The following ADCY1 variants were observed in gnomAD, a reference collection of about 807,000 sequenced individuals.
ADCY1 encodes adenylate cyclase type 1.
ADCY1 carries 28 observed loss-of-function variants against 105.4 expected under a neutral mutation model. The observed-to-expected ratio is 0.27, with a 90% CI of 0.20 to 0.36. ADCY1 has a LOEUF of 0.36. ADCY1 is among the 10% of genes least tolerant of loss of function. The pLI is 1.00. For missense variants in ADCY1, 977 were observed against 1,434.2 expected (o/e 0.68, Z 5.15); for synonymous variants, 655 against 623.8 (o/e 1.05, Z -0.75).
At chr7:45,574,223 G>A, upstream of ADCY1, 1 of 877,972 alleles carries the variant, frequency 1.1e-6, no homozygotes, top group Non-Finnish European at 1.4e-6. The surrounding 1 kb of genome is among the most constrained non-coding windows in gnomAD (Gnocchi z 7.0). Flanking sequence ...CGGCGGGCGG[G>A]AACGCAGGAC....
chr7:45,608,983 C>G (rs1322133143), intron 2 of ADCY1, among the ~76,000 whole-genome samples: 2 of 152,166 alleles, frequency 1.3e-5, no homozygotes, highest in East Asian at 3.8e-4. Flanking sequence ...CAGAGCTGGA[C>G]CTGGTCTTCC....
intron 8 of ADCY1, among the ~76,000 whole-genome samples, chr7:45,669,125 CTCTT>C: frequency 6.6e-6 from 1 of 152,262 alleles, no homozygotes; most frequent in Non-Finnish European, 1.5e-5. Flanking sequence ...GTGTCTCTAT[CTCTT>C]TCAGTTCTGC....
intron 19 of ADCY1, among the ~76,000 whole-genome samples, chr7:45,711,881 TAA>T (rs1183681758): frequency 8.9e-6 from 1 of 112,806 alleles, no homozygotes; most frequent in Non-Finnish European, 1.7e-5. Context: ...ATTAAATATA[TAA>T]ATATATTTAT....
intron 4 of ADCY1, among the ~76,000 whole-genome samples, chr7:45,646,878 C>G (rs531097599): frequency 7.0e-4 from 107 of 152,362 alleles, no homozygotes; most frequent in African/African-American, 2.5e-3. Context: ...GTGACCAGCT[C>G]CCTGTCAGCA....
At position 45,660,050 on chromosome 7, in the gene ADCY1, A is replaced by G; in HGVS notation, c.1316A>G (p.His439Arg). Residue 439 changes from histidine (H) to arginine (R), a missense_variant, in exon 7 of 20, where the codon CAT (histidine) becomes CGT (arginine). Physicochemically the swap from His to Arg is conservative, Grantham distance 29. Transcript: ENST00000297323. ...MEAAGLPGKVHITKTTLACLN... is the reference protein window; with the variant it reads ...MEAAGLPGKVRITKTTLACLN... The stretch of plus-strand genomic sequence containing the variant: ...GCCTCCTCCTTTTGTAGGAAGGTTC[A>G]TATCACAAAGACGACCCTAGCGTGC... 1 of 1,614,176 alleles carries G rather than the reference A, an allele frequency of 6.2e-7. No homozygotes were observed. Among genetic ancestry groups the G allele is most frequent in the Non-Finnish European group, 8.5e-7 (1 of 1,180,004 alleles).
intron 4 of ADCY1, among the ~76,000 whole-genome samples, chr7:45,648,162 C>G (rs1264046277): frequency 6.6e-6 from 1 of 152,224 alleles, no homozygotes; most frequent in Non-Finnish European, 1.5e-5. Context: ...TGGGAGTGTG[C>G]CCTGTGGGTG....
intron 3 of ADCY1, among the ~76,000 whole-genome samples, chr7:45,617,032 A>G (rs923373656): frequency 2.0e-5 from 3 of 152,308 alleles, no homozygotes; most frequent in Non-Finnish European, 4.4e-5. Context: ...GTAAGCAGGA[A>G]CTGCTCCAGG....
Position 45,721,576 on chromosome 7 carries a change from A to G in ADCY1, c.*7581A>G. 2.5e-6 allele frequency: 1 copy of G among 397,896 alleles called. No homozygotes were observed. Among genetic ancestry groups the G allele is most frequent in the Non-Finnish European group, 4.4e-6 (1 of 225,898 alleles). 24.6% of individuals were successfully genotyped at this position (397,896 alleles called of 1,614,324 possible). On this transcript the variant is annotated 3_prime_UTR_variant, in exon 20 of 20. Transcript: ENST00000297323. ...CTTCTGCTCAGGAGTTCTGTGAGCT[A>G]TGGGAAGGCCATTGGTTGTATTTGC... is the stretch of plus-strand genomic sequence containing the variant.
At chr7:45,644,328 G>A (rs1476266584) in intron 4 of ADCY1, among the ~76,000 whole-genome samples, 1 of 152,128 alleles carries the variant, frequency 6.6e-6, no homozygotes, top group Non-Finnish European at 1.5e-5. Context: ...CGTTACCTCT[G>A]TGCCCTTCTG....
At chr7:45,711,851 T>C (rs1408165798) in intron 19 of ADCY1, among the ~76,000 whole-genome samples, 1 of 132,504 alleles carries the variant, frequency 7.5e-6, no homozygotes, top group African/African-American at 2.9e-5. Flanking sequence ...TAAATATTAA[T>C]ATTAATTTTA....
chr7:45,683,169 G>A (rs934040002), intron 11 of ADCY1, among the ~76,000 whole-genome samples: 21 of 152,252 alleles, frequency 1.4e-4, no homozygotes, highest in African/African-American at 4.8e-4. Flanking sequence ...ACCCTTTAGT[G>A]AACATTCATA....
At chr7:45,650,245 CAT>C (rs1439666255) in intron 5 of ADCY1, among the ~76,000 whole-genome samples, 3 of 152,176 alleles carry the variant, frequency 2.0e-5, no homozygotes, top group South Asian at 2.1e-4. Context: ...TACCATATAA[CAT>C]ATCACATATT....
At chr7:45,639,945 C>T (rs1329249480) in intron 4 of ADCY1, among the ~76,000 whole-genome samples, 1 of 152,210 alleles carries the variant, frequency 6.6e-6, no homozygotes, top group Non-Finnish European at 1.5e-5. Flanking sequence ...AGTAGACATT[C>T]TGATCCATGG....
chr7:45,684,808 G>T, intron 11 of ADCY1, 171 bp from the exon 12 acceptor site: 1 of 533,390 alleles, frequency 1.9e-6, no homozygotes, highest in South Asian at 3.3e-5. Flanking sequence ...TTTTCACCTG[G>T]GAGAATAAAC....
At chr7:45,626,246 T>G (rs1463261020) in intron 4 of ADCY1, among the ~76,000 whole-genome samples, 1 of 151,786 alleles carries the variant, frequency 6.6e-6, no homozygotes, top group African/African-American at 2.4e-5. Flanking sequence ...AAACAAGGAG[T>G]GGTCCACGGC....
chr7:45,669,328 T>C (rs1339783049), intron 8 of ADCY1, among the ~76,000 whole-genome samples: 1 of 152,248 alleles, frequency 6.6e-6, no homozygotes, highest in Admixed American at 6.5e-5. Flanking sequence ...TGGTATGTTG[T>C]ATCTTTGTTC....
intron 1 of ADCY1, among the ~76,000 whole-genome samples, chr7:45,589,652 G>A (rs981932876): frequency 5.9e-5 from 9 of 152,104 alleles, no homozygotes; most frequent in African/African-American, 2.2e-4. Context: ...ATGCTCATCT[G>A]GGAAAATGCG....
At chr7:45,611,926 C>T (rs950826893) in intron 3 of ADCY1, among the ~76,000 whole-genome samples, 1 of 152,160 alleles carries the variant, frequency 6.6e-6, no homozygotes, top group Non-Finnish European at 1.5e-5. Flanking sequence ...AACTCTCAGT[C>T]CTTCTTATGT....
At chr7:45,663,915 G>A (rs775874968) in intron 8 of ADCY1, among the ~76,000 whole-genome samples, 1 of 152,180 alleles carries the variant, frequency 6.6e-6, no homozygotes, top group Non-Finnish European at 1.5e-5. Context: ...TAGGAACCAC[G>A]GCAGTGGAAT....
Sources: gnomAD v4.1 joint callset for allele counts (sites outside exome capture counted in the v4.1 genomes callset) on GRCh38, gnomAD v4.1.1 for gene constraint, Gnocchi (gnomAD v3.1) non-coding constraint, MANE v1.5 for transcripts, NCBI Gene and HGNC (gene_info 2026-07-23, HGNC 2026-07-21) for gene names.